CHD5: variants seen among roughly 807,000 people sequenced by gnomAD.
CHD5 encodes the protein ATP-dependent chromatin remodeler CHD5.
Under a neutral mutation model 230.3 loss-of-function variants are expected in CHD5, and 69 were observed. The observed-to-expected ratio is 0.30, with a 90% CI of 0.25 to 0.37. The LOEUF is 0.37. Ranked by LOEUF, CHD5 falls within the 10% of genes least tolerant of loss-of-function variation. The pLI is 1.00. For synonymous variants in CHD5, 1,064 were observed against 1,065.9 expected (o/e 1.00, Z 0.03); for missense variants, 1,827 against 2,622.8 (o/e 0.70, Z 6.63).
At chr1:6,112,352 C>G in intron 34 of CHD5, 75 bp from the exon 35 acceptor site, 7 of 1,567,442 alleles carry the variant, frequency 4.5e-6, no homozygotes, top group Non-Finnish European at 5.2e-6. Flanking sequence ...CTGCCAAGCA[C>G]GGGGGACCCA....
At chr1:6,173,108 CTT>C (rs371953368) in intron 1 of CHD5, among the ~76,000 whole-genome samples, 57 of 138,050 alleles carry the variant, frequency 4.1e-4, no homozygotes, top group African/African-American at 4.5e-4. Context: ...GGCGTTATTT[CTT>C]TTTTTTTTTT....
At chr1:6,117,689 T>G (rs559518874) in intron 33 of CHD5, among the ~76,000 whole-genome samples, 94 of 152,320 alleles carry the variant, frequency 6.2e-4, no homozygotes, top group South Asian at 2.3e-3. Flanking sequence ...TGAAAAAATA[T>G]TCAACATCTT....
chr1:6,135,096 G>T, intron 18 of CHD5, 134 bp downstream of exon 18: 4 of 1,105,006 alleles, frequency 3.6e-6, no homozygotes, highest in South Asian at 1.4e-5. Flanking sequence ...GCCCCACGAA[G>T]AAAGTGTATG....
Position 6,121,964 on chromosome 1 carries a change from C to T in CHD5, c.4700-391G>A, listed in dbSNP as rs545306505. Among the ~76,000 whole-genome samples, 17 of 152,348 alleles carry T rather than the reference C, an allele frequency of 1.1e-4. 1 individual carries two copies. The South Asian group carries it at 3.3e-3, about 30-fold the overall frequency. On this transcript the variant is annotated intron_variant, in intron 31 of 41. Coordinates refer to ENST00000262450, the MANE Select transcript of CHD5 (RefSeq NM_015557.3). The surrounding 1 kb of genome is among the most constrained non-coding windows in gnomAD (Gnocchi z 4.5). ...CTCTGGACAGGGGGTGAATTTCCTC[C>T]CTGCCAAGCCAGCCGCCAACACACT...
intron 33 of CHD5, among the ~76,000 whole-genome samples, chr1:6,117,325 T>G (rs890062382): frequency 1.3e-5 from 2 of 152,082 alleles, no homozygotes; most frequent in African/African-American, 4.8e-5. Flanking sequence ...CTACAAAAGA[T>G]AGACCTAAAA....
At position 6,123,936 on chromosome 1, in the gene CHD5, C is replaced by G; in HGVS notation, c.4699+12G>C. 1 of 1,463,972 alleles carries G rather than the reference C, an allele frequency of 6.8e-7. No individual in the cohort carries two copies. Among genetic ancestry groups the G allele is most frequent in the Admixed American group, 3.1e-5 (1 of 32,538 alleles). The allele number at this position is 1,463,972 out of a possible 1,614,324, so 90.7% of individuals were successfully genotyped here. A position where few individuals can be genotyped will look rare whatever the true frequency, so the allele number is the denominator to read the frequency against. Reference sequence around the variant, plus strand: ...ACCCCAGTGCCCTCCCCGGCCCGCCCAGCCCACAGACCTGGCAGGCCCAGC... The same window carrying G: ...ACCCCAGTGCCCTCCCCGGCCCGCCGAGCCCACAGACCTGGCAGGCCCAGC... On this transcript the variant is annotated intron_variant, in intron 31 of 41. Coordinates refer to ENST00000262450, the MANE Select transcript of CHD5 (RefSeq NM_015557.3).
chr1:6,144,857 G>C (rs984221951), intron 11 of CHD5, among the ~76,000 whole-genome samples: 2 of 152,236 alleles, frequency 1.3e-5, no homozygotes, highest in African/African-American at 4.8e-5. Context: ...GGAACATTAA[G>C]AGAAAAACCG....
rs1388382348 is a variant in CHD5 at position 6,111,549 on chromosome 1, A to AG, written c.5249+225_5249+226insC. On this transcript the variant is annotated intron_variant, in intron 36 of 41. Coordinates refer to ENST00000262450, the MANE Select transcript of CHD5 (RefSeq NM_015557.3). ...ACTCTATCTCAAAAAAAAAAAAAAA[A>AG]AGAGAGAGCAATGTGGACCCAGACA... Among the ~76,000 whole-genome samples the AG allele has an allele frequency of 9.9e-5, 15 of 151,794 alleles. No individual in the cohort carries two copies. The South Asian group carries it at 1.9e-3, about 19-fold the overall frequency.
intron 37 of CHD5, among the ~76,000 whole-genome samples, 158 bp downstream of exon 37, chr1:6,110,236 C>T (rs1666263380): frequency 6.6e-6 from 1 of 150,658 alleles, no homozygotes; most frequent in Non-Finnish European, 1.5e-5. Context: ...GAGCAAGGAT[C>T]CACCACTGTT....
chr1:6,159,347 C>T lies in CHD5; in HGVS notation c.376G>A (p.Gly126Arg). The T allele has an allele frequency of 6.4e-7, 1 of 1,551,670 alleles. No homozygotes were observed. Among genetic ancestry groups the T allele is most frequent in the South Asian group, 1.2e-5 (1 of 84,060 alleles). ...KDEDEDDNDD[G>R]CLKEPKSSGQ... ...GCCTCCACAGTTACCTTTAAGCATC[C>T]ATCATCATTATCATCCTCATCCTCA... Residue 126 changes from glycine (G) to arginine (R), a missense_variant, in exon 3 of 42, where the codon GGA (glycine) becomes AGA (arginine). By Grantham distance (125) the Gly-to-Arg change is moderately radical. Around this residue, in one of 14 missense-constraint regions of CHD5, gnomAD observed 657 missense variants for 816.4 expected, o/e 0.80. Coordinates refer to ENST00000262450, the MANE Select transcript of CHD5 (RefSeq NM_015557.3).
Position 6,111,346 on chromosome 1 carries a change from C to A in CHD5, c.5249+429G>T, listed in dbSNP as rs567662384. Among the ~76,000 whole-genome samples the A allele has an allele frequency of 4.7e-3, 717 of 151,776 alleles. 9 individuals are homozygous for A. The highest frequency in any genetic ancestry group is 0.016 in the African/African-American group (681 of 41,370). On this transcript the variant is annotated intron_variant, in intron 36 of 41. Coordinates refer to ENST00000262450, the MANE Select transcript of CHD5 (RefSeq NM_015557.3). Reference sequence around the variant, plus strand: ...GTCAGGAGTTCGAGACCAGCCTAGCCAACATGGTGAAACCCCGTCTCTACT... The same window carrying A: ...GTCAGGAGTTCGAGACCAGCCTAGCAAACATGGTGAAACCCCGTCTCTACT...
intron 1 of CHD5, among the ~76,000 whole-genome samples, chr1:6,175,271 GATGGATGC>G (rs1235634160): frequency 6.6e-6 from 1 of 151,230 alleles, no homozygotes; most frequent in African/African-American, 2.4e-5. Flanking sequence ...TGGATGGATG[GATGGATGC>G]ATGGATGGAT....
At chr1:6,106,160 G>T in intron 41 of CHD5, 74 bp downstream of exon 41, 1 of 1,385,066 alleles carries the variant, frequency 7.2e-7, no homozygotes, top group Non-Finnish European at 1.0e-6. Context: ...TGCAGGGGCA[G>T]GGCTGACTGT....
chr1:6,136,912 G>A lies in CHD5; in HGVS notation c.2437-47C>T, dbSNP rs368742473. On this transcript the variant is annotated intron_variant, in intron 15 of 41. Transcript: ENST00000262450. ...GGGATGAGACGGCTGGGAGCAGAGCGGATCACAGTCCCAGGAGACAAAGAG... is the reference window on the plus strand; with the variant it reads ...GGGATGAGACGGCTGGGAGCAGAGCAGATCACAGTCCCAGGAGACAAAGAG... The A allele has an allele frequency of 1.7e-5, 27 of 1,551,872 alleles. 1 individual carries two copies. The highest frequency in any genetic ancestry group is 1.7e-4 in the Middle Eastern group (1 of 5,754).
At chr1:6,119,330 C>T (rs1666428366) in intron 33 of CHD5, among the ~76,000 whole-genome samples, 2 of 152,130 alleles carry the variant, frequency 1.3e-5, no homozygotes, top group South Asian at 2.1e-4. Flanking sequence ...GAACTCCTGA[C>T]CTTGTGATCT....
At chr1:6,110,631 T>C (rs1666273807) in intron 36 of CHD5, 105 bp from the exon 37 acceptor site, 1 of 1,218,206 alleles carries the variant, frequency 8.2e-7, no homozygotes, top group South Asian at 1.4e-5. Context: ...GTCGGCATTC[T>C]GGCTGTACGC....
Position 6,155,595 on chromosome 1 carries a change from C to T in CHD5, c.506+4G>A. 6.2e-7 allele frequency: 1 copy of T among 1,611,230 alleles called. No individual in the cohort carries two copies. Among genetic ancestry groups the T allele is most frequent in the Non-Finnish European group, 8.5e-7 (1 of 1,177,432 alleles). Reference sequence around the variant, plus strand: ...CTGGAGAACAGCCCTAGTGCCCCGCCCACCTGAGGAACTGGCTGAAGGCCT... The same window carrying T: ...CTGGAGAACAGCCCTAGTGCCCCGCTCACCTGAGGAACTGGCTGAAGGCCT... On this transcript the variant is annotated splice_donor_region_variant and intron_variant, in intron 4 of 41. Coordinates refer to ENST00000262450, the MANE Select transcript of CHD5 (RefSeq NM_015557.3). The surrounding 1 kb of genome is among the most constrained non-coding windows in gnomAD (Gnocchi z 4.0).
chr1:6,134,275 G>A lies in CHD5; in HGVS notation c.3013-16C>T, dbSNP rs748073839. 3.6e-5 allele frequency: 58 copies of A among 1,611,148 alleles called. No individual in the cohort carries two copies. In the South Asian group the frequency reaches 6.1e-4, roughly 17 times the overall value. ...CAGGGGCCTCCTGCAGACACAGCAGGAGGTGGGGCATTGGTGGGCTCCCCT... is the reference window on the plus strand; with the variant it reads ...CAGGGGCCTCCTGCAGACACAGCAGAAGGTGGGGCATTGGTGGGCTCCCCT... On this transcript the variant is annotated splice_polypyrimidine_tract_variant and intron_variant, in intron 19 of 41. Coordinates refer to ENST00000262450, the MANE Select transcript of CHD5 (RefSeq NM_015557.3). This position sits in a 1 kb window ranked among gnomAD's most constrained non-coding sequence, Gnocchi z 6.3.
At chr1:6,179,526 T>C (rs1667479659) in intron 1 of CHD5, among the ~76,000 whole-genome samples, 1 of 151,246 alleles carries the variant, frequency 6.6e-6, no homozygotes, top group African/African-American at 2.4e-5. Context: ...GGGTCCCGCC[T>C]GCCCGCAGCG....
Sources: allele counts gnomAD v4.1 joint callset (sites outside exome capture counted in the v4.1 genomes callset), GRCh38; gene constraint gnomAD v4.1.1; regional missense constraint gnomAD v4.1.1; non-coding constraint Gnocchi (gnomAD v3.1); transcripts MANE v1.5; gene names NCBI Gene and HGNC (gene_info 2026-07-23, HGNC 2026-07-21).